RNF125: variants seen among roughly 807,000 people sequenced by gnomAD.
The protein encoded by RNF125 is E3 ubiquitin-protein ligase RNF125.
RNF125 carries 21 observed loss-of-function variants against 26.0 expected under a neutral mutation model. That is an observed-to-expected ratio of 0.81 (90% CI 0.57 to 1.16). RNF125 has a LOEUF of 1.16. Among genes scored for constraint, RNF125 ranks in the 50% most tolerant of loss-of-function variants. The pLI is 0.00. For synonymous variants in RNF125, 95 were observed against 109.2 expected (o/e 0.87, Z 0.81); for missense variants, 270 against 299.4 (o/e 0.90, Z 0.72).
chr18:32,063,141 A>T (rs372219340), intron 4 of RNF125, among the ~76,000 whole-genome samples: 13 of 149,960 alleles, frequency 8.7e-5, no homozygotes, highest in African/African-American at 2.5e-4. Context: ...AGTTGCTTGA[A>T]CCCAGGAGGC....
intron 4 of RNF125, 47 bp downstream of exon 4, chr18:32,045,779 C>A: frequency 8.5e-7 from 1 of 1,172,232 alleles, no homozygotes; most frequent in Non-Finnish European, 1.3e-6. Flanking sequence ...GAATTCAGGA[C>A]ACATTAGGAA....
At chr18:32,073,400 G>A (rs143035876), downstream of RNF125, among the ~76,000 whole-genome samples, 4 of 152,194 alleles carry the variant, frequency 2.6e-5, no homozygotes, top group Admixed American at 6.6e-5. Context: ...GGGCTTGGGT[G>A]TGCTAGTGGC....
At chr18:32,024,755 G>A (rs2039017256) in intron 1 of RNF125, among the ~76,000 whole-genome samples, 1 of 152,236 alleles carries the variant, frequency 6.6e-6, no homozygotes, top group East Asian at 1.9e-4. Context: ...TTACAGGCAT[G>A]AGCCACCACA....
At chr18:32,058,477 C>T (rs888475685) in intron 4 of RNF125, among the ~76,000 whole-genome samples, 1 of 152,010 alleles carries the variant, frequency 6.6e-6, no homozygotes, top group Non-Finnish European at 1.5e-5. Context: ...TCCCAAGTAG[C>T]TAGGACTACA....
At chr18:32,063,811 A>G (rs970182728) in intron 4 of RNF125, among the ~76,000 whole-genome samples, 3 of 152,158 alleles carry the variant, frequency 2.0e-5, no homozygotes, top group Non-Finnish European at 4.4e-5. Context: ...GGAAAAGCCA[A>G]TCTCAAAAGG....
In RNF125 at chr18:32,070,355, T is replaced by C; in HGVS notation, c.*1971T>C. 1 of 152,354 alleles carries C rather than the reference T, an allele frequency of 6.6e-6. No homozygotes were observed. The highest frequency in any genetic ancestry group is 1.5e-5 in the Non-Finnish European group (1 of 68,110). 9.4% of individuals were successfully genotyped at this position (152,354 alleles called of 1,614,324 possible). A position where few individuals can be genotyped will look rare whatever the true frequency, so the allele number is the denominator to read the frequency against. On this transcript the variant is annotated 3_prime_UTR_variant, in exon 6 of 6. Transcript: ENST00000217740. Reference sequence around the variant, plus strand: ...GCCCAGCTAATTTTTGTATTTTTAGTAGAGACAGGGTTTCACCATAATAGC... The same window carrying C: ...GCCCAGCTAATTTTTGTATTTTTAGCAGAGACAGGGTTTCACCATAATAGC...
chr18:32,061,849 G>A (rs1037720991), intron 4 of RNF125, among the ~76,000 whole-genome samples: 1 of 152,214 alleles, frequency 6.6e-6, no homozygotes, highest in African/African-American at 2.4e-5. Context: ...TATAATGACT[G>A]AGCTTTATAA....
intron 4 of RNF125, among the ~76,000 whole-genome samples, chr18:32,057,552 C>T (rs1292517272): frequency 3.3e-5 from 5 of 152,000 alleles, no homozygotes; most frequent in African/African-American, 9.7e-5. Flanking sequence ...TCAGGCTGGT[C>T]TCAAACTCCT....
chr18:32,074,035 G>A (rs2039553249), downstream of RNF125, among the ~76,000 whole-genome samples: 1 of 152,110 alleles, frequency 6.6e-6, no homozygotes, highest in Non-Finnish European at 1.5e-5. Flanking sequence ...GAAGCCCAAC[G>A]AAGGAGAATC....
the RNF125 span, among the ~76,000 whole-genome samples, chr18:32,084,011 G>C: frequency 6.6e-6 from 1 of 152,078 alleles, no homozygotes; most frequent in Admixed American, 6.6e-5. Context: ...GAGCGAGAGA[G>C]AAATGGAGAA....
Position 32,037,158 on chromosome 18 carries a change from G to A in RNF125, c.207G>A (p.Lys69=). The A allele has an allele frequency of 6.2e-7, 1 of 1,607,166 alleles. No individual in the cohort carries two copies. The highest frequency in any genetic ancestry group is 1.3e-5 in the African/African-American group (1 of 74,552). Residue 69 remains lysine (K), a synonymous_variant, in exon 2 of 6, where the codon AAG becomes AAA. Coordinates refer to ENST00000217740, the MANE Select transcript of RNF125 (RefSeq NM_017831.4). ...TTGCTACCAGTCTAAAGAACAACAA[G>A]TGGACCTGTCCTTATTGCCGGGCAT... is the stretch of plus-strand genomic sequence containing the variant. The part of the protein sequence containing the change: ...SCIATSLKNN[K]WTCPYCRAYL...
At position 32,069,776 on chromosome 18, in the gene RNF125, A is replaced by G. The variant is rs2144521873; in HGVS notation, c.*1392A>G. The G allele has an allele frequency of 6.6e-6, 1 of 152,316 alleles. No homozygotes were observed. Among genetic ancestry groups the G allele is most frequent in the South Asian group, 2.1e-4 (1 of 4,830 alleles). The allele number at this position is 152,316 out of a possible 1,614,324, so 9.4% of individuals were successfully genotyped here. ...TTTTACATCTCTTTTTTAATCTAGA[A>G]GTTCCTCCTTCTTTCCAGTTCCTTA... On this transcript the variant is annotated 3_prime_UTR_variant, in exon 6 of 6. Transcript: ENST00000217740.
rs1009067123 is a variant in RNF125, at chr18:32,032,100, G to A, written c.165-5016G>A. Among the ~76,000 whole-genome samples, 9 of 150,308 alleles carry A rather than the reference G, an allele frequency of 6.0e-5. No homozygotes were observed. The South Asian group carries it at 8.4e-4, about 14-fold the overall frequency. ...TTTTTGTTTTGTTTTGTTTTGAGAC[G>A]GAGTCTTCCTCTGTCACCCAGGCTG... On this transcript the variant is annotated intron_variant, in intron 1 of 5. Coordinates refer to ENST00000217740, the MANE Select transcript of RNF125 (RefSeq NM_017831.4).
chr18:32,026,717 T>C lies in RNF125; in HGVS notation c.164+7690T>C, dbSNP rs2039040733. On this transcript the variant is annotated intron_variant, in intron 1 of 5. Coordinates refer to ENST00000217740, the MANE Select transcript of RNF125 (RefSeq NM_017831.4). ...TGGCCCCGTAGAGGAAGCAGATTAA[T>C]GGGGAAAAAGTTACTATCACACTCT... Among the ~76,000 whole-genome samples, 3 of 152,150 alleles carry C rather than the reference T, an allele frequency of 2.0e-5. No individual in the cohort carries two copies. The South Asian group carries it at 6.2e-4, about 32-fold the overall frequency.
chr18:32,083,878 G>A, the RNF125 span, among the ~76,000 whole-genome samples: 566 of 151,512 alleles, frequency 3.7e-3, 4 homozygotes, highest in Admixed American at 0.015. Context: ...ACTACAGCCC[G>A]GGCAACAGAG....
chr18:32,040,831 A>T (rs1162427356), intron 2 of RNF125, among the ~76,000 whole-genome samples: 2 of 152,232 alleles, frequency 1.3e-5, no homozygotes, highest in African/African-American at 2.4e-5. Context: ...AGTCATAAAG[A>T]CATGAGAGAA....
chr18:32,085,371 AGCAGAGAGAGAGAG>A, the RNF125 span, among the ~76,000 whole-genome samples: 1 of 103,346 alleles, frequency 9.7e-6, no homozygotes, highest in African/African-American at 4.0e-5. Context: ...CACTGCCAGA[AGCAGAGAGAGAGAG>A]AGAGAGAGAG....
intron 2 of RNF125, among the ~76,000 whole-genome samples, chr18:32,040,555 C>T (rs2039207121): frequency 6.6e-6 from 1 of 152,160 alleles, no homozygotes; most frequent in Admixed American, 6.5e-5. Context: ...CAGGCGTGAG[C>T]TACCACGCCC....
chr18:32,089,246 C>T, the RNF125 span, among the ~76,000 whole-genome samples: 2 of 152,194 alleles, frequency 1.3e-5, no homozygotes, highest in Non-Finnish European at 2.9e-5. Context: ...GAAAATTAGT[C>T]TGGCTAAAGA....
Sources: gnomAD v4.1 joint callset for allele counts (sites outside exome capture counted in the v4.1 genomes callset) on GRCh38, gnomAD v4.1.1 for gene constraint, MANE v1.5 for transcripts, NCBI Gene and HGNC (gene_info 2026-07-23, HGNC 2026-07-21) for gene names.